The following ZNF627 variants were observed in gnomAD, a reference collection of about 807,000 sequenced individuals.
ZNF627 encodes zinc finger protein 627.
In ZNF627, 12 loss-of-function variants were observed where a neutral mutation model predicts 10.6. That is an observed-to-expected ratio of 1.13 (90% CI 0.73 to 1.84). The LOEUF is 1.84. Ranked by LOEUF, ZNF627 falls within the 40% of genes most tolerant of loss-of-function variation. ZNF627 has a pLI of 0.00. For synonymous variants in ZNF627, 176 were observed against 187.1 expected, an observed-to-expected ratio of 0.94 and a Z score of 0.48; for missense variants, 504 against 568.4, an observed-to-expected ratio of 0.89 and a Z score of 1.15.
At position 11,614,544 on chromosome 19, in the gene ZNF627, G is replaced by A; in HGVS notation, c.21G>A (p.Glu7=). ...TGTTTCAGGATTCAGTGGCCTTTGA[G>A]GATGTGGCTGTGAACTTCACCCTGG... The part of the protein sequence containing the change: MDSVAF[E]DVAVNFTLEE... The change falls in exon 2 of 4, where the codon GAG becomes GAA. Residue 7 remains glutamate (E), a synonymous_variant. Coordinates refer to ENST00000361113, the MANE Select transcript of ZNF627 (RefSeq NM_145295.4). 1.2e-6 allele frequency: 2 copies of A among 1,613,882 alleles called. No homozygotes were observed. Among genetic ancestry groups the A allele is most frequent in the African/African-American group, 1.3e-5 (1 of 75,058 alleles).
At chr19:11,613,075 TCCCTCCCTTCCCCC>T (rs1973801625) in intron 1 of ZNF627, among the ~76,000 whole-genome samples, 2 of 29,510 alleles carry the variant, frequency 6.8e-5, no homozygotes, top group African/African-American at 1.4e-4. Flanking sequence ...TCCCCTCCCC[TCCCTCCCTTCCCCC>T]CTCCCCTCCC....
chr19:11,616,606 C>A lies in ZNF627; in HGVS notation c.192-89C>A, dbSNP rs941726179. ...AAGATTCTGTCTCTGTATTTAAAAACAAGTATATGTAAGTCTAATACCTAT... is the reference window on the plus strand; with the variant it reads ...AAGATTCTGTCTCTGTATTTAAAAAAAAGTATATGTAAGTCTAATACCTAT... On this transcript the variant is annotated intron_variant, in intron 3 of 3. Coordinates refer to ENST00000361113, the MANE Select transcript of ZNF627 (RefSeq NM_145295.4). 4 of 889,434 alleles carry A rather than the reference C, an allele frequency of 4.5e-6. No individual in the cohort carries two copies. In the African/African-American group the frequency reaches 6.8e-5, roughly 15 times the overall value. The allele number at this position is 889,434 out of a possible 1,614,324, so 55.1% of individuals were successfully genotyped here.
intron 1 of ZNF627, among the ~76,000 whole-genome samples, chr19:11,606,192 T>A (rs549960558): frequency 5.6e-4 from 85 of 151,702 alleles, no homozygotes; most frequent in African/African-American, 1.8e-3. Flanking sequence ...ATACAAAAAA[T>A]TAGGCATGGT....
intron 1 of ZNF627, among the ~76,000 whole-genome samples, chr19:11,605,065 A>G (rs1973649938): frequency 7.0e-6 from 1 of 143,324 alleles, no homozygotes; most frequent in African/African-American, 2.6e-5. Flanking sequence ...TCTTCAGCCT[A>G]GTTTTTCTTT....
At chr19:11,606,345 AAAAG>A (rs771413860) in intron 1 of ZNF627, among the ~76,000 whole-genome samples, 21 of 152,092 alleles carry the variant, frequency 1.4e-4, no homozygotes, top group Admixed American at 9.8e-4. Context: ...TCAAAAAAAA[AAAAG>A]AAAGAAAAAA....
Position 11,614,650 on chromosome 19 carries a change from G to C in ZNF627, c.127G>C (p.Val43Leu), listed in dbSNP as rs532212574. 1 of 1,613,828 alleles carries C rather than the reference G, an allele frequency of 6.2e-7. No homozygotes were observed. Among genetic ancestry groups the C allele is most frequent in the South Asian group, 1.1e-5 (1 of 91,084 alleles). The change falls in exon 2 of 4, where the codon GTA becomes CTA. Residue 43 changes from valine to leucine, a missense_variant. By Grantham distance (32) the Val-to-Leu change is conservative (BLOSUM62 1). Transcript: ENST00000361113. ...GGAAACCTTCAGGAACCTGGCTTCT[G>C]TAGGTAAGGGTGACAATATTCCTTT... ...MRETFRNLAS[V>L]GKQWEDQNIE...
intron 1 of ZNF627, among the ~76,000 whole-genome samples, chr19:11,612,955 G>C (rs1973798753): frequency 6.6e-6 from 1 of 151,146 alleles, no homozygotes; most frequent in African/African-American, 2.4e-5. Flanking sequence ...GGTGTCTGTT[G>C]TTCTCATCTT....
intron 1 of ZNF627, among the ~76,000 whole-genome samples, chr19:11,613,240 C>T (rs1035364052): frequency 1.1e-5 from 1 of 89,978 alleles, no homozygotes; most frequent in African/African-American, 4.6e-5. Flanking sequence ...GACCTCTTGA[C>T]CTCAAGCCAT....
chr19:11,611,566 T>C lies in ZNF627; in HGVS notation c.4-2961T>C, dbSNP rs112376251. On this transcript the variant is annotated intron_variant, in intron 1 of 3. Coordinates refer to ENST00000361113, the MANE Select transcript of ZNF627 (RefSeq NM_145295.4). ...CAATGCCAGACCCAATAGAAACTTT[T>C]GCTGTGTGTTTTTGTTTAAAAAGGA... is the stretch of plus-strand genomic sequence containing the variant. Among the ~76,000 whole-genome samples the C allele has an allele frequency of 7.8e-3, 1,183 of 152,352 alleles. 5 individuals are homozygous for C. The highest frequency in any genetic ancestry group is 0.013 in the Non-Finnish European group (866 of 68,022).
Position 11,617,680 on chromosome 19 carries a change from T to C in ZNF627, c.1177T>C (p.Cys393Arg). The change falls in exon 4 of 4, where the codon TGT becomes CGT. Residue 393 changes from cysteine to arginine, a missense_variant. Cys to Arg is a radical substitution (Grantham distance 180). Transcript: ENST00000361113. The stretch of plus-strand genomic sequence containing the variant: ...TCACACTGGAGAGAAACCCTATAAA[T>C]GTACAAAATGTGGGAAAGCCTTCAG... The part of the protein sequence containing the change: ...RIHTGEKPYK[C>R]TKCGKAFSRS... The C allele has an allele frequency of 1.2e-6, 2 of 1,612,446 alleles. No individual in the cohort carries two copies. The highest frequency in any genetic ancestry group is 1.7e-6 in the Non-Finnish European group (2 of 1,179,548).
At chr19:11,601,389 G>T (rs1423502089) in intron 1 of ZNF627, among the ~76,000 whole-genome samples, 1 of 151,938 alleles carries the variant, frequency 6.6e-6, no homozygotes, top group East Asian at 1.9e-4. Context: ...TCCTAGGCTG[G>T]AGTGCAGTGG....
At chr19:11,610,216 T>C (rs1973751341) in intron 1 of ZNF627, among the ~76,000 whole-genome samples, 2 of 152,022 alleles carry the variant, frequency 1.3e-5, no homozygotes, top group African/African-American at 4.8e-5. Flanking sequence ...TTTCTGGAAA[T>C]GCGTTCTTTC....
chr19:11,608,758 A>G (rs1258433506), intron 1 of ZNF627, among the ~76,000 whole-genome samples: 1 of 152,108 alleles, frequency 6.6e-6, no homozygotes, highest in Non-Finnish European at 1.5e-5. Context: ...TGGGCTCAAG[A>G]TCCTTCTGCC....
In ZNF627 at chr19:11,617,428, T is replaced by C; in HGVS notation, c.925T>C (p.Cys309Arg). The C allele has an allele frequency of 6.2e-7, 1 of 1,613,988 alleles. No individual in the cohort carries two copies. Among genetic ancestry groups the C allele is most frequent in the South Asian group, 1.1e-5 (1 of 91,092 alleles). ...RTHTGEKLFE[C>R]KECGKALTCL... ...TCACACCGGAGAGAAACTTTTTGAA[T>C]GTAAGGAATGCGGGAAGGCTTTGAC... is the stretch of plus-strand genomic sequence containing the variant. The change falls in exon 4 of 4, where the codon TGT (cysteine) becomes CGT (arginine). Residue 309 changes from cysteine (C) to arginine (R), a missense_variant. By Grantham distance (180) the Cys-to-Arg change is radical. Transcript: ENST00000361113.
rs761380453 is a variant in ZNF627 at position 11,617,041 on chromosome 19, G to A, written c.538G>A (p.Val180Ile). The change falls in exon 4 of 4, where the codon GTA (valine) becomes ATA (isoleucine). Residue 180 changes from valine to isoleucine, a missense_variant. Val to Ile is a conservative substitution (Grantham distance 29, BLOSUM62 3). Transcript: ENST00000361113. The part of the protein sequence containing the change: ...KECGETFISL[V>I]SIRRHMLTHR... ...ATGTGGAGAAACCTTTATTTCTCTT[G>A]TAAGCATTCGAAGACACATGTTAAC... The A allele has an allele frequency of 4.3e-6, 7 of 1,613,946 alleles. No homozygotes were observed. In the Admixed American group the frequency reaches 1.2e-4, roughly 27 times the overall value.
Position 11,617,383 on chromosome 19 carries a change from G to C in ZNF627, c.880G>C (p.Val294Leu), listed in dbSNP as rs770106340. Reference protein sequence around the residue: ...CGKAFRCASSVRSHERTHTGE... With the variant: ...CGKAFRCASSLRSHERTHTGE... ...TAAAGCCTTTAGGTGCGCCAGTTCT[G>C]TTCGAAGTCACGAGAGGACTCACAC... The change falls in exon 4 of 4, where the codon GTT (valine) becomes CTT (leucine). Residue 294 changes from valine (V) to leucine (L), a missense_variant. By Grantham distance (32) the Val-to-Leu change is conservative. Coordinates refer to ENST00000361113, the MANE Select transcript of ZNF627 (RefSeq NM_145295.4). 3 of 1,613,830 alleles carry C rather than the reference G, an allele frequency of 1.9e-6. No homozygotes were observed. The Admixed American group carries it at 5.0e-5, about 27-fold the overall frequency.
At chr19:11,616,554 T>C (rs1973870714) in intron 3 of ZNF627, 141 bp from the exon 4 acceptor site, 1 of 568,694 alleles carries the variant, frequency 1.8e-6, no homozygotes, top group Admixed American at 3.6e-5. Context: ...GCCTTGGAGT[T>C]CAGGGTTCAC....
chr19:11,600,225 G>T (rs981379048), intron 1 of ZNF627, among the ~76,000 whole-genome samples: 8 of 152,036 alleles, frequency 5.3e-5, no homozygotes, highest in Non-Finnish European at 1.2e-4. Context: ...CAGATCACGA[G>T]GTCAGGAGAT....
At chr19:11,611,500 T>C (rs1363353715) in intron 1 of ZNF627, among the ~76,000 whole-genome samples, 1 of 152,230 alleles carries the variant, frequency 6.6e-6, no homozygotes, top group Non-Finnish European at 1.5e-5. Context: ...TTGTCTTTTT[T>C]TTCTTTTGTG....
Sources: allele counts gnomAD v4.1 joint callset (sites outside exome capture counted in the v4.1 genomes callset), GRCh38; gene constraint gnomAD v4.1.1; transcripts MANE v1.5; gene names NCBI Gene and HGNC (gene_info 2026-07-23, HGNC 2026-07-21).